Variants in SATB1 observed in about 807,000 individuals in gnomAD.
SATB1 encodes the protein DNA-binding protein SATB1.
Under a neutral mutation model 86.9 loss-of-function variants are expected in SATB1, and 11 were observed. That is an observed-to-expected ratio of 0.13 (90% confidence interval 0.08 to 0.21). The LOEUF (loss-of-function observed/expected upper bound fraction) is 0.21, where lower values mean the gene tolerates loss of function less well. Ranked by LOEUF, SATB1 falls within the 10% of genes least tolerant of loss-of-function variation. The pLI is 1.00. For missense variants in SATB1, 551 were observed against 937.6 expected (o/e 0.59, Z 5.39); for synonymous variants, 357 against 357.2 (o/e 1.00, Z 0.01).
chr3:18,410,800 T>C (rs1055997457), intron 5 of SATB1: 32 of 330,928 alleles, frequency 9.7e-5, no homozygotes, highest in African/African-American at 5.3e-4. Flanking sequence ...GTCCAAAAAC[T>C]GTGAAATAAA....
chr3:18,393,239 CAAAA>C (rs1197830574), intron 7 of SATB1, among the ~76,000 whole-genome samples: 1 of 151,988 alleles, frequency 6.6e-6, no homozygotes, highest in African/African-American at 2.4e-5. Context: ...GATAAATTGA[CAAAA>C]GAAAGAACAG....
chr3:18,347,470 CTTA>C lies in SATB1; in HGVS notation c.*1697_*1699del, dbSNP rs1252983608. 2 of 151,476 alleles carry C rather than the reference CTTA, an allele frequency of 1.3e-5. No individual in the cohort carries two copies. The highest frequency in any genetic ancestry group is 1.9e-4 in the East Asian group (1 of 5,170). 9.4% of individuals were successfully genotyped at this position (151,476 alleles called of 1,614,324 possible). On this transcript the variant is annotated 3_prime_UTR_variant, in exon 11 of 11. Transcript: ENST00000338745. ...ATACACTTACGAGCTCAGTTATTAA[CTTA>C]TTCCACTTATAACTTGTGAAAAAAA...
At chr3:18,397,337 G>T (rs763575234) in intron 5 of SATB1, 47 bp from the exon 6 acceptor site, 2 of 1,016,210 alleles carry the variant, frequency 2.0e-6, no homozygotes, top group Non-Finnish European at 1.6e-6. Context: ...AGCAGCACAA[G>T]ATGGAACACA....
chr3:18,367,026 C>T (rs1019871105), intron 9 of SATB1, among the ~76,000 whole-genome samples: 16 of 152,120 alleles, frequency 1.1e-4, no homozygotes, highest in Non-Finnish European at 2.1e-4. Context: ...CTTTAAGGGA[C>T]GTTAGATATA....
At position 18,420,768 on chromosome 3, in the gene SATB1, T is replaced by C; in HGVS notation, c.200A>G (p.Asn67Ser). 1 of 1,613,604 alleles carries C rather than the reference T, an allele frequency of 6.2e-7. No homozygotes were observed. The highest frequency in any genetic ancestry group is 8.5e-7 in the Non-Finnish European group (1 of 1,179,958). The change falls in exon 2 of 11, where the codon AAC (asparagine) becomes AGC (serine). Residue 67 changes from asparagine (N) to serine (S), a missense_variant. Transcript: ENST00000338745. The stretch of plus-strand genomic sequence containing the variant: ...TTGAAGGTATTTACCTTTCCTAAGG[T>C]TGGTTTTCATCAGATGGCCCGAGTG... Reference protein sequence around the residue: ...LKHSGHLMKTNLRKGTMLPVF... With the variant: ...LKHSGHLMKTSLRKGTMLPVF...
chr3:18,442,508 T>C (rs913732105), upstream of SATB1, among the ~76,000 whole-genome samples: 4 of 152,206 alleles, frequency 2.6e-5, no homozygotes, highest in African/African-American at 4.8e-5. Context: ...ATAAAATGCA[T>C]AGTCATTTAA....
At position 18,417,074 on chromosome 3, in the gene SATB1, G is replaced by A; in HGVS notation, c.216C>T (p.Thr72=). The change falls in exon 3 of 11, where the codon ACC becomes ACT. Residue 72 remains threonine, a synonymous_variant. Coordinates refer to ENST00000338745, the MANE Select transcript of SATB1 (RefSeq NM_002971.6). ...HLMKTNLRKG[T]MLPVFCVVEH... ...CCACCACACAGAAAACTGGCAGCAT[G>A]GTTCCTATCAAAAAGATGAAGAAGA... 1 of 1,611,398 alleles carries A rather than the reference G, an allele frequency of 6.2e-7. No homozygotes were observed. Among genetic ancestry groups the A allele is most frequent in the Non-Finnish European group, 8.5e-7 (1 of 1,179,026 alleles).
chr3:18,357,601 A>G (rs1694710940), intron 9 of SATB1, among the ~76,000 whole-genome samples: 1 of 145,102 alleles, frequency 6.9e-6, no homozygotes. Flanking sequence ...ATTTCATATC[A>G]GTGTGTTCTA....
At chr3:18,405,065 A>T (rs1247418486) in intron 5 of SATB1, among the ~76,000 whole-genome samples, 2 of 152,106 alleles carry the variant, frequency 1.3e-5, no homozygotes, top group Non-Finnish European at 2.9e-5. Context: ...CTCCAACTAG[A>T]GTCTTATTTT....
In SATB1 at chr3:18,415,043, G is replaced by A. The variant is rs538795586; in HGVS notation, c.639+68C>T. ...GATACCAGTTGCTTTAAACCAGGGA[G>A]CTCCATCAAACCTCAAATCAGGGTT... On this transcript the variant is annotated intron_variant, in intron 5 of 10. Coordinates refer to ENST00000338745, the MANE Select transcript of SATB1 (RefSeq NM_002971.6). The A allele has an allele frequency of 8.3e-6, 13 of 1,569,832 alleles. No individual in the cohort carries two copies. The African/African-American group carries it at 1.4e-4, about 16-fold the overall frequency.
chr3:18,405,313 T>C (rs1049299689), intron 5 of SATB1, among the ~76,000 whole-genome samples: 1 of 151,982 alleles, frequency 6.6e-6, no homozygotes, highest in African/African-American at 2.4e-5. Flanking sequence ...CCTTGTGTGG[T>C]TAAATCGCTC....
In SATB1 at chr3:18,369,294, C is replaced by T. The variant is rs573370546; in HGVS notation, c.1575+8876G>A. 1.8e-4 allele frequency among the ~76,000 whole-genome samples: 27 copies of T among 151,686 alleles called. No homozygotes were observed. The South Asian group carries it at 5.0e-3, about 28-fold the overall frequency. ...CATAATACGGCATAGAATCAAGGGA[C>T]ATTATGCACCCTACCCACCCCCCTC... is the stretch of plus-strand genomic sequence containing the variant. On this transcript the variant is annotated intron_variant, in intron 9 of 10. Transcript: ENST00000338745.
intron 9 of SATB1, among the ~76,000 whole-genome samples, chr3:18,365,742 C>A (rs1639850361): frequency 1.3e-5 from 2 of 152,336 alleles, no homozygotes; most frequent in African/African-American, 4.8e-5. Flanking sequence ...GCATAAACTT[C>A]TGTTTAGAAA....
At chr3:18,416,791 C>G in intron 3 of SATB1, 111 bp downstream of exon 3, 1 of 1,079,602 alleles carries the variant, frequency 9.3e-7, no homozygotes, top group Non-Finnish European at 1.3e-6. Flanking sequence ...TATAAGGAAC[C>G]AATGTAATAC....
intron 9 of SATB1, among the ~76,000 whole-genome samples, chr3:18,354,129 T>C (rs1447576055): frequency 3.3e-5 from 5 of 152,346 alleles, no homozygotes; most frequent in African/African-American, 9.6e-5. Context: ...AAAACTGTTA[T>C]GTGAACATCT....
At chr3:18,392,141 TAAG>T (rs2125110626) in intron 7 of SATB1, among the ~76,000 whole-genome samples, 1 of 152,284 alleles carries the variant, frequency 6.6e-6, no homozygotes, top group Admixed American at 6.5e-5. Context: ...CTATTATTAA[TAAG>T]GAGGTATCTG....
intron 10 of SATB1, chr3:18,351,181 GCA>G: frequency 2.8e-6 from 2 of 725,194 alleles, no homozygotes; most frequent in Non-Finnish European, 2.4e-6. Flanking sequence ...GCATCTGCTG[GCA>G]CAGTGAGCTC....
rs186100631 is a variant in SATB1 at position 18,435,976 on chromosome 3, C to T, written c.-25+813G>A. Among the ~76,000 whole-genome samples the T allele has an allele frequency of 6.6e-5, 10 of 152,208 alleles. No homozygotes were observed. In the East Asian group the frequency reaches 1.5e-3, roughly 23 times the overall value. ...CTAAATAGGACTGTCTTACAAGCAG[C>T]CCCACTCATATTTTAAAATGAAAAT... is the stretch of plus-strand genomic sequence containing the variant. On this transcript the variant is annotated intron_variant, in intron 2 of 3. Coordinates refer to the SATB1 transcript ENST00000414509.
intron 7 of SATB1, among the ~76,000 whole-genome samples, chr3:18,392,936 C>T (rs1438512941): frequency 6.7e-6 from 1 of 149,130 alleles, no homozygotes; most frequent in East Asian, 2.0e-4. Context: ...GAGACATAGC[C>T]TTGTGCAACT....
Sources: allele counts gnomAD v4.1 joint callset (sites outside exome capture counted in the v4.1 genomes callset), GRCh38; gene constraint gnomAD v4.1.1; transcripts MANE v1.5; gene names NCBI Gene and HGNC (gene_info 2026-07-23, HGNC 2026-07-21).